Variants in EFTUD2 observed in about 807,000 individuals in gnomAD.
The protein encoded by EFTUD2 is elongation factor Tu GTP binding domain containing 2.
In EFTUD2, 9 loss-of-function variants were observed where a neutral mutation model predicts 114.3. The observed-to-expected ratio is 0.08, with a 90% CI of 0.05 to 0.14. EFTUD2 has a LOEUF of 0.14. Among genes scored for constraint, EFTUD2 ranks in the 10% least tolerant of loss-of-function variants. EFTUD2 has a pLI of 1.00. For missense variants in EFTUD2, 765 were observed against 1,241.2 expected (o/e 0.62, Z 5.76); for synonymous variants, 449 against 462.3 (o/e 0.97, Z 0.37).
intron 11 of EFTUD2, 30 bp downstream of exon 11, chr17:44,872,416 T>C (rs770279895): frequency 1.2e-6 from 2 of 1,608,968 alleles, no homozygotes; most frequent in Non-Finnish European, 1.7e-6. Flanking sequence ...CAGGGGAAGC[T>C]GGTGAGACAG....
At chr17:44,868,973 T>C (rs1328699960) in intron 11 of EFTUD2, among the ~76,000 whole-genome samples, 5 of 152,194 alleles carry the variant, frequency 3.3e-5, no homozygotes, top group Admixed American at 2.6e-4. Context: ...AGTCAAGACG[T>C]TGGGTGACAT....
chr17:44,884,533 G>T (rs534143636), intron 4 of EFTUD2, among the ~76,000 whole-genome samples: 1 of 117,384 alleles, frequency 8.5e-6, no homozygotes, highest in East Asian at 2.6e-4. Flanking sequence ...AAAAAAAAAA[G>T]AGAGAGAGAG....
chr17:44,851,177 T>A lies in EFTUD2; in HGVS notation c.*97A>T. The A allele has an allele frequency of 1.0e-6, 1 of 990,516 alleles. No individual in the cohort carries two copies. Among genetic ancestry groups the A allele is most frequent in the Non-Finnish European group, 1.6e-6 (1 of 625,344 alleles). The allele number at this position is 990,516 out of a possible 1,614,324, so 61.4% of individuals were successfully genotyped here. Reference sequence around the variant, plus strand: ...TGGCAACAGCAGCTTCCAGACACTCTCTGACAACACGAAGGCCACGTCATA... The same window carrying A: ...TGGCAACAGCAGCTTCCAGACACTCACTGACAACACGAAGGCCACGTCATA... On this transcript the variant is annotated 3_prime_UTR_variant, in exon 28 of 28. Coordinates refer to ENST00000426333, the MANE Select transcript of EFTUD2 (RefSeq NM_004247.4).
chr17:44,881,887 T>C (rs765642828), intron 6 of EFTUD2, 165 bp from the exon 7 acceptor site: 11 of 622,556 alleles, frequency 1.8e-5, no homozygotes, highest in African/African-American at 9.3e-5. Flanking sequence ...ATGAGACCAG[T>C]GCCCTCCCAG....
At chr17:44,894,324 T>C in intron 2 of EFTUD2, 93 bp downstream of exon 2, 3 of 1,039,682 alleles carry the variant, frequency 2.9e-6, no homozygotes, top group South Asian at 2.7e-5. Context: ...GAGCTGAGAT[T>C]GCGCCACTGC....
chr17:44,855,493 A>AG (rs1483979845), intron 20 of EFTUD2, among the ~76,000 whole-genome samples: 1 of 151,984 alleles, frequency 6.6e-6, no homozygotes, highest in African/African-American at 2.4e-5. Flanking sequence ...ACTTGAACCC[A>AG]GAAGGCGGAG....
At chr17:44,893,131 T>G (rs1044610009) in intron 2 of EFTUD2, among the ~76,000 whole-genome samples, 3 of 151,830 alleles carry the variant, frequency 2.0e-5, no homozygotes, top group African/African-American at 4.8e-5. Flanking sequence ...TTTTTTTTTT[T>G]TTTTGTTTGA....
At chr17:44,864,833 A>C in intron 14 of EFTUD2, 97 bp downstream of exon 14, 1 of 1,527,642 alleles carries the variant, frequency 6.5e-7, no homozygotes, top group Admixed American at 2.0e-5. Context: ...AGATCCTCAG[A>C]TTTCTGACCT....
At chr17:44,867,759 A>C in intron 13 of EFTUD2, 48 bp downstream of exon 13, 1 of 1,436,408 alleles carries the variant, frequency 7.0e-7, no homozygotes, top group Non-Finnish European at 9.3e-7. Context: ...GCTCTTCCAC[A>C]CTGTGCTTAT....
At chr17:44,869,200 T>C (rs918735640) in intron 11 of EFTUD2, among the ~76,000 whole-genome samples, 1 of 152,228 alleles carries the variant, frequency 6.6e-6, no homozygotes, top group Non-Finnish European at 1.5e-5. Flanking sequence ...TACCAAATTC[T>C]CCCCTTCTTT....
intron 18 of EFTUD2, 25 bp downstream of exon 18, chr17:44,859,880 C>T (rs757708467): frequency 1.6e-5 from 26 of 1,613,488 alleles, no homozygotes; most frequent in South Asian, 2.2e-5. Context: ...TGGGGCTTGG[C>T]GGCTGCTGCA....
At chr17:44,877,339 T>C (rs895947179) in intron 9 of EFTUD2, among the ~76,000 whole-genome samples, 16 of 152,162 alleles carry the variant, frequency 1.1e-4, no homozygotes, top group Non-Finnish European at 1.6e-4. Flanking sequence ...AAAAAGATGA[T>C]GGAATCAGCC....
rs563861025 is a variant in EFTUD2 at position 44,851,208 on chromosome 17, T to G, written c.*66A>C. 7 of 1,310,928 alleles carry G rather than the reference T, an allele frequency of 5.3e-6. No homozygotes were observed. In the African/African-American group the frequency reaches 1.0e-4, roughly 19 times the overall value. 81.2% of individuals were successfully genotyped at this position (1,310,928 alleles called of 1,614,324 possible). A position where few individuals can be genotyped will look rare whatever the true frequency, so the allele number is the denominator to read the frequency against. On this transcript the variant is annotated 3_prime_UTR_variant, in exon 28 of 28. Coordinates refer to ENST00000426333, the MANE Select transcript of EFTUD2 (RefSeq NM_004247.4). ...AACACGAAGGCCACGTCATATGAGGTCTCAGCTTCAAGTACAGGAGTTGCA... is the reference window on the plus strand; with the variant it reads ...AACACGAAGGCCACGTCATATGAGGGCTCAGCTTCAAGTACAGGAGTTGCA...
At position 44,886,705 on chromosome 17, in the gene EFTUD2, C is replaced by A. The variant is rs1192550779; in HGVS notation, c.151G>T (p.Asp51Tyr). 1.2e-6 allele frequency: 2 copies of A among 1,614,156 alleles called. No homozygotes were observed. Among genetic ancestry groups the A allele is most frequent in the Non-Finnish European group, 8.5e-7 (1 of 1,180,024 alleles). The change falls in exon 3 of 28, where the codon GAC (aspartate) becomes TAC (tyrosine). Residue 51 changes from aspartate (D) to tyrosine (Y), a missense_variant. Asp to Tyr is a radical substitution (Grantham distance 160). This residue lies in a region of EFTUD2 where 121 missense variants were observed against 133.7 expected (regional missense o/e 0.90). Transcript: ENST00000426333. The part of the protein sequence containing the change: ...DDDDVGDHDD[D>Y]HPGMEVVLHE... ...AGCACCACCTCCATCCCAGGGTGGT[C>A]ATCGTCATGATCTCCTACGTCATCG...
In EFTUD2 at chr17:44,854,972, T is replaced by C; in HGVS notation, c.2078A>G (p.Glu693Gly). Residue 693 changes from glutamate (E) to glycine (G), a missense_variant, in exon 21 of 28, where the codon GAG becomes GGG. Glu to Gly is a moderately conservative substitution (Grantham distance 98). Around this residue, in one of 6 missense-constraint regions of EFTUD2, gnomAD observed 166 missense variants for 401.5 expected, o/e 0.41. Transcript: ENST00000426333. The surrounding 1 kb of genome is among the most constrained non-coding windows in gnomAD (Gnocchi z 4.3). ...NKITMIAEPLEKGLAEDIENE... is the reference protein window; with the variant it reads ...NKITMIAEPLGKGLAEDIENE... Reference sequence around the variant, plus strand: ...CTCTATGTCCTCTGCCAGGCCCTTCTCAAGAGGCTCAGCAATCATGGTGAT... The same window carrying C: ...CTCTATGTCCTCTGCCAGGCCCTTCCCAAGAGGCTCAGCAATCATGGTGAT... 2 of 1,614,146 alleles carry C rather than the reference T, an allele frequency of 1.2e-6. No homozygotes were observed. The highest frequency in any genetic ancestry group is 1.7e-6 in the Non-Finnish European group (2 of 1,180,030).
In EFTUD2 at chr17:44,881,733, A is replaced by T; in HGVS notation, c.493-11T>A. ...GTCAGTATAGCACAGCTGAAAAAAAATTAACTGTTGTTACCACCTGAGTTG... is the reference window on the plus strand; with the variant it reads ...GTCAGTATAGCACAGCTGAAAAAAATTTAACTGTTGTTACCACCTGAGTTG... On this transcript the variant is annotated splice_polypyrimidine_tract_variant and intron_variant, in intron 6 of 27. Transcript: ENST00000426333. The T allele has an allele frequency of 6.2e-7, 1 of 1,614,070 alleles. No homozygotes were observed. The highest frequency in any genetic ancestry group is 8.5e-7 in the Non-Finnish European group (1 of 1,179,946).
chr17:44,886,825 T>G (rs1013563592), intron 2 of EFTUD2, 75 bp from the exon 3 acceptor site: 1 of 1,529,736 alleles, frequency 6.5e-7, no homozygotes, highest in African/African-American at 1.4e-5. Flanking sequence ...CCTCCGTGAG[T>G]GACAGCACTG....
rs2051056374 is a variant in EFTUD2 at position 44,880,617 on chromosome 17, C to T, written c.556G>A (p.Val186Met). Residue 186 changes from valine (V) to methionine (M), a missense_variant, in exon 8 of 28, where the codon GTG becomes ATG. Physicochemically the swap from Val to Met is conservative, Grantham distance 21. Coordinates refer to ENST00000426333, the MANE Select transcript of EFTUD2 (RefSeq NM_004247.4). Reference protein sequence around the residue: ...ERGVGIKSTPVTVVLPDTKGK... With the variant: ...ERGVGIKSTPMTVVLPDTKGK... ...TTGGTGTCTGGCAAGACCACTGTCA[C>T]AGGAGTGCTTTTGATGCCTACACCT... is the stretch of plus-strand genomic sequence containing the variant. 13 of 1,613,694 alleles carry T rather than the reference C, an allele frequency of 8.1e-6. No homozygotes were observed. In the East Asian group the frequency reaches 2.9e-4, roughly 36 times the overall value.
chr17:44,883,913 G>A, intron 4 of EFTUD2, 189 bp from the exon 5 acceptor site: 1 of 604,046 alleles, frequency 1.7e-6, no homozygotes, highest in South Asian at 2.0e-5. Flanking sequence ...TATCCAAGAG[G>A]TAACACAATC....
Sources: allele counts gnomAD v4.1 joint callset (sites outside exome capture counted in the v4.1 genomes callset), GRCh38; gene constraint gnomAD v4.1.1; regional missense constraint gnomAD v4.1.1; non-coding constraint Gnocchi (gnomAD v3.1); transcripts MANE v1.5; gene names NCBI Gene and HGNC (gene_info 2026-07-23, HGNC 2026-07-21).